The following CDH13 variants were observed in gnomAD, a reference collection of about 807,000 sequenced individuals.
CDH13 encodes the protein cadherin 13.
A neutral mutation model predicts 63.8 loss-of-function variants in CDH13; 24 were observed. The observed-to-expected ratio is 0.38, with a 90% CI of 0.27 to 0.53. The LOEUF is 0.53. Ranked by LOEUF, CDH13 falls within the 20% of genes least tolerant of loss-of-function variation. The pLI is 0.85. For missense variants in CDH13, 1,049 were observed against 903.1 expected, an observed-to-expected ratio of 1.16 and a Z score of -2.07; for synonymous variants, 503 against 355.3, an observed-to-expected ratio of 1.42 and a Z score of -4.67.
At chr16:83,246,692 C>T (rs1374107266) in intron 5 of CDH13, among the ~76,000 whole-genome samples, 1 of 152,154 alleles carries the variant, frequency 6.6e-6, no homozygotes, top group Non-Finnish European at 1.5e-5. Context: ...TAACCTCTGC[C>T]TTTGAGGCCC....
At chr16:83,747,230 AC>A (rs1912666403) in intron 10 of CDH13, among the ~76,000 whole-genome samples, 1 of 152,106 alleles carries the variant, frequency 6.6e-6, no homozygotes, top group African/African-American at 2.4e-5. Context: ...CTGTGTCCTC[AC>A]CCAAGTCTCA....
intron 7 of CDH13, among the ~76,000 whole-genome samples, chr16:83,510,425 T>G (rs1005006073): frequency 6.6e-6 from 1 of 152,232 alleles, no homozygotes; most frequent in African/African-American, 2.4e-5. Flanking sequence ...ATAGGTGGAC[T>G]ACGTCTAATG....
chr16:82,849,431 G>C (rs1567598204), intron 1 of CDH13, among the ~76,000 whole-genome samples: 1 of 152,168 alleles, frequency 6.6e-6, no homozygotes, highest in Non-Finnish European at 1.5e-5. Flanking sequence ...GAACCAGGGA[G>C]TAGGAGGTTT....
In CDH13 at chr16:83,753,504, C is replaced by T. The variant is rs113312901; in HGVS notation, c.1681+5254C>T. On this transcript the variant is annotated intron_variant, in intron 11 of 13. Transcript: ENST00000567109. The stretch of plus-strand genomic sequence containing the variant: ...AAGGCTGCAGTGAGCCAAGATCACA[C>T]CGCTGCACTCTAGCCTGGGCAGCAG... Among the ~76,000 whole-genome samples the T allele has an allele frequency of 3.1e-3, 470 of 152,284 alleles. 2 individuals are homozygous for T. Among genetic ancestry groups the T allele is most frequent in the African/African-American group, 0.01 (429 of 41,554 alleles).
intron 1 of CDH13, among the ~76,000 whole-genome samples, chr16:82,665,637 A>G (rs1158258902): frequency 6.6e-6 from 1 of 152,068 alleles, no homozygotes; most frequent in South Asian, 2.1e-4. Flanking sequence ...CAAACATCAC[A>G]GGTACTCTGC....
At chr16:82,797,622 A>T (rs897490909) in intron 1 of CDH13, among the ~76,000 whole-genome samples, 11 of 152,118 alleles carry the variant, frequency 7.2e-5, no homozygotes, top group Non-Finnish European at 1.3e-4. Context: ...ATGCAAACAC[A>T]TGTTGATTCT....
chr16:83,366,745 C>T (rs1050951672), intron 6 of CDH13, among the ~76,000 whole-genome samples: 14 of 152,116 alleles, frequency 9.2e-5, no homozygotes, highest in African/African-American at 3.4e-4. Flanking sequence ...TTCTCCTGAC[C>T]TGTCTTCATT....
chr16:82,717,720 A>G (rs954423351), intron 1 of CDH13, among the ~76,000 whole-genome samples: 2 of 152,204 alleles, frequency 1.3e-5, no homozygotes, highest in African/African-American at 4.8e-5. Context: ...ATAATCCAAA[A>G]TAATCTCTTC....
chr16:82,862,364 T>C (rs189474995), intron 2 of CDH13, among the ~76,000 whole-genome samples: 2 of 152,338 alleles, frequency 1.3e-5, no homozygotes, highest in East Asian at 3.9e-4. Flanking sequence ...TGCAAAATTA[T>C]AAAACAGGAT....
chr16:83,013,943 A>G (rs927592545), intron 2 of CDH13, among the ~76,000 whole-genome samples: 4 of 152,194 alleles, frequency 2.6e-5, no homozygotes, highest in Admixed American at 6.5e-5. Context: ...ACAGAAAGAA[A>G]CATCAGCCTC....
chr16:83,444,137 T>C (rs2072590403), intron 6 of CDH13, among the ~76,000 whole-genome samples: 2 of 143,794 alleles, frequency 1.4e-5, no homozygotes, highest in East Asian at 3.9e-4. Context: ...AATGAAGATG[T>C]GGCTGCTGAT....
chr16:83,256,715 GCT>G (rs1309873595), intron 5 of CDH13, among the ~76,000 whole-genome samples: 2 of 150,930 alleles, frequency 1.3e-5, no homozygotes, highest in Middle Eastern at 3.4e-3. Context: ...CATGGTGGCG[GCT>G]GCCTGTAGTC....
chr16:82,855,624 A>G (rs769612835), intron 1 of CDH13, among the ~76,000 whole-genome samples: 5 of 152,150 alleles, frequency 3.3e-5, no homozygotes, highest in Non-Finnish European at 7.3e-5. Context: ...CAGCATTTTG[A>G]TTGCTTCCAG....
chr16:83,093,364 G>C (rs2034025616), intron 3 of CDH13, among the ~76,000 whole-genome samples: 1 of 125,164 alleles, frequency 8.0e-6, no homozygotes, highest in Non-Finnish European at 1.6e-5. Context: ...GCCCCGGCTG[G>C]AGTGCCGTGA....
intron 6 of CDH13, among the ~76,000 whole-genome samples, chr16:83,429,243 A>G (rs947296046): frequency 3.9e-5 from 6 of 152,166 alleles, no homozygotes; most frequent in African/African-American, 7.2e-5. Flanking sequence ...CCCATTTATG[A>G]CAAGAGTGGC....
At chr16:83,651,301 G>T (rs1912351500) in intron 8 of CDH13, among the ~76,000 whole-genome samples, 1 of 152,124 alleles carries the variant, frequency 6.6e-6, no homozygotes, top group Non-Finnish European at 1.5e-5. Context: ...GATGTTCAGT[G>T]CAACAAACAT....
At chr16:83,171,721 C>T (rs952635084) in intron 4 of CDH13, 7 of 667,536 alleles carry the variant, frequency 1.0e-5, no homozygotes, top group Non-Finnish European at 1.6e-5. Flanking sequence ...AGAACCTCTT[C>T]GTCTTTCTGA....
intron 10 of CDH13, among the ~76,000 whole-genome samples, chr16:83,679,116 C>A (rs987004186): frequency 3.8e-5 from 5 of 129,986 alleles, no homozygotes; most frequent in Non-Finnish European, 8.4e-5. Context: ...ATAATGTCTT[C>A]AGAAATTTCT....
chr16:83,506,958 C>G (rs905085727), intron 7 of CDH13, among the ~76,000 whole-genome samples: 1 of 152,234 alleles, frequency 6.6e-6, no homozygotes, highest in East Asian at 1.9e-4. Context: ...GCTTCCATAT[C>G]TCCAAGCCAC....
Sources: allele counts gnomAD v4.1 joint callset (sites outside exome capture counted in the v4.1 genomes callset), GRCh38; gene constraint gnomAD v4.1.1; transcripts MANE v1.5; gene names NCBI Gene and HGNC (gene_info 2026-07-23, HGNC 2026-07-21).